Variants in FAM83G observed in about 807,000 individuals in gnomAD.
FAM83G encodes protein FAM83G.
Under a neutral mutation model 61.5 loss-of-function variants are expected in FAM83G, and 38 were observed. The ratio of observed to expected loss-of-function variants is 0.62; its 90% CI spans 0.48 to 0.81. The LOEUF is 0.81. Among genes scored for constraint, FAM83G ranks in the 30% least tolerant of loss-of-function variants. The pLI is 0.00. For synonymous variants in FAM83G, 470 were observed against 476.1 expected (o/e 0.99, Z 0.17); for missense variants, 989 against 1,133.6 (o/e 0.87, Z 1.83).
At chr17:18,979,408 G>T in intron 4 of FAM83G, 141 bp downstream of exon 4, 1 of 980,166 alleles carries the variant, frequency 1.0e-6, no homozygotes, top group Non-Finnish European at 1.5e-6. Flanking sequence ...AGACAGGCGG[G>T]CAGATGTGCT....
rs2074273 is a variant in FAM83G at position 18,969,208 on chromosome 17, A to G, written c.*2151T>C. ...CACCCAGGGGACGTGTAAAGGGGTC[A>G]GAAGGCCACCTCCCCCTACAGGCCC... On this transcript the variant is annotated 3_prime_UTR_variant, in exon 6 of 6. Coordinates refer to ENST00000388995, the MANE Select transcript of FAM83G (RefSeq NM_001039999.3). 0.072 allele frequency: 115,397 copies of G among 1,595,926 alleles called. 7,279 individuals are homozygous for G. The highest frequency in any genetic ancestry group is 0.29 in the South Asian group (25,967 of 88,948).
At chr17:18,984,280 T>C (rs2043210806) in intron 3 of FAM83G, among the ~76,000 whole-genome samples, 1 of 143,928 alleles carries the variant, frequency 6.9e-6, no homozygotes, top group Admixed American at 7.2e-5. Context: ...AGGCAGAGCT[T>C]GCAGTTCACG....
intron 4 of FAM83G, chr17:18,979,177 T>C: frequency 2.1e-6 from 1 of 480,538 alleles, no homozygotes; most frequent in Non-Finnish European, 3.8e-6. Context: ...CATGCGTCTA[T>C]GCTGCCACCA....
chr17:18,973,133 C>T (rs1220937531), intron 5 of FAM83G, among the ~76,000 whole-genome samples: 1 of 152,222 alleles, frequency 6.6e-6, no homozygotes, highest in African/African-American at 2.4e-5. Flanking sequence ...GAAAGGTTGG[C>T]CGTGGAGGGC....
intron 2 of FAM83G, among the ~76,000 whole-genome samples, chr17:18,998,723 G>C (rs539095514): frequency 9.2e-5 from 14 of 152,318 alleles, no homozygotes; most frequent in African/African-American, 3.4e-4. Context: ...GTTAACACCT[G>C]GGATTACTTT....
intron 2 of FAM83G, among the ~76,000 whole-genome samples, chr17:18,989,072 G>T (rs1199057979): frequency 2.0e-5 from 3 of 152,226 alleles, no homozygotes; most frequent in Non-Finnish European, 2.9e-5. Flanking sequence ...CCTGTCCCTT[G>T]GCAGCAAGGG....
Position 18,968,997 on chromosome 17 carries a change from G to T in FAM83G, c.*2362C>A. 6.5e-7 allele frequency: 1 copy of T among 1,549,004 alleles called. No homozygotes were observed. Among genetic ancestry groups the T allele is most frequent in the Non-Finnish European group, 8.7e-7 (1 of 1,144,584 alleles). On this transcript the variant is annotated 3_prime_UTR_variant, in exon 6 of 6. Coordinates refer to ENST00000388995, the MANE Select transcript of FAM83G (RefSeq NM_001039999.3). This position sits in a 1 kb window ranked among gnomAD's most constrained non-coding sequence, Gnocchi z 4.1. ...CCTTGCCCGAGGTCACCCAGGGAGT[G>T]GCTTGCTGGAGCCCTGGGAATAACA...
At chr17:18,973,766 C>T (rs1485476617) in intron 5 of FAM83G, among the ~76,000 whole-genome samples, 4 of 152,068 alleles carry the variant, frequency 2.6e-5, no homozygotes, top group African/African-American at 4.8e-5. Context: ...GGCACCATCT[C>T]GGCTCACTGC....
intron 2 of FAM83G, among the ~76,000 whole-genome samples, chr17:18,989,708 C>A (rs1163703614): frequency 6.6e-6 from 1 of 152,226 alleles, no homozygotes; most frequent in Non-Finnish European, 1.5e-5. Flanking sequence ...ACAGTCACCC[C>A]GCACGTTCCC....
chr17:18,977,555 A>T (rs781389324), intron 5 of FAM83G, 29 bp downstream of exon 5: 2 of 1,588,618 alleles, frequency 1.3e-6, no homozygotes, highest in Non-Finnish European at 1.7e-6. Flanking sequence ...GGGACTCGTG[A>T]CCCCTGGTGT....
chr17:18,978,872 C>G (rs751477984), intron 4 of FAM83G, 22 bp from the exon 5 acceptor site: 1 of 1,608,752 alleles, frequency 6.2e-7, no homozygotes, highest in Non-Finnish European at 8.5e-7. Context: ...GGAGGGGGCG[C>G]TGGTCAGGCA....
At chr17:18,999,694 C>G (rs141061975) in intron 2 of FAM83G, among the ~76,000 whole-genome samples, 1 of 152,190 alleles carries the variant, frequency 6.6e-6, no homozygotes, top group African/African-American at 2.4e-5. Context: ...TGTGTGAAGG[C>G]GGGGGCCTGA....
At chr17:18,995,660 C>A (rs2043548350) in intron 2 of FAM83G, among the ~76,000 whole-genome samples, 1 of 152,208 alleles carries the variant, frequency 6.6e-6, no homozygotes, top group Non-Finnish European at 1.5e-5. Context: ...ATAATCCCAG[C>A]ACTTTGGGAG....
At position 18,969,520 on chromosome 17, in the gene FAM83G, G is replaced by A; in HGVS notation, c.*1839C>T. 1.7e-6 allele frequency: 2 copies of A among 1,179,960 alleles called. No individual in the cohort carries two copies. The highest frequency in any genetic ancestry group is 2.5e-4 in the Middle Eastern group (1 of 4,008). 73.1% of individuals were successfully genotyped at this position (1,179,960 alleles called of 1,614,324 possible). ...ACTGTGCAGGATTCATGCCGTTGGG[G>A]TTCTGGGTAGCATCGCTGGGAGTGG... On this transcript the variant is annotated 3_prime_UTR_variant, in exon 6 of 6. Transcript: ENST00000388995.
intron 2 of FAM83G, 107 bp from the exon 3 acceptor site, chr17:18,988,521 C>A: frequency 6.6e-7 from 1 of 1,524,400 alleles, no homozygotes; most frequent in Non-Finnish European, 8.9e-7. Flanking sequence ...CTCACAGGTG[C>A]CCACTCTGGC....
chr17:18,983,277 G>A (rs1399704098), intron 3 of FAM83G, among the ~76,000 whole-genome samples: 1 of 152,242 alleles, frequency 6.6e-6, no homozygotes, highest in South Asian at 2.1e-4. Flanking sequence ...ACAACCCCGT[G>A]AGGCATCACT....
intron 2 of FAM83G, among the ~76,000 whole-genome samples, chr17:18,990,337 G>A (rs570741078): frequency 6.6e-6 from 1 of 152,284 alleles, no homozygotes; most frequent in African/African-American, 2.4e-5. Context: ...ACTGGGCAGG[G>A]GTGTGTGGTG....
chr17:18,971,592 T>G lies in FAM83G; in HGVS notation c.2239A>C (p.Lys747Gln), dbSNP rs767840164. 6.2e-7 allele frequency: 1 copy of G among 1,613,412 alleles called. No homozygotes were observed. The highest frequency in any genetic ancestry group is 1.3e-5 in the African/African-American group (1 of 74,928). Residue 747 changes from lysine to glutamine, a missense_variant, in exon 6 of 6, where the codon AAG becomes CAG. By Grantham distance (53) the Lys-to-Gln change is moderately conservative. Transcript: ENST00000388995. This position sits in a 1 kb window ranked among gnomAD's most constrained non-coding sequence, Gnocchi z 5.5. ...AMAGPHHWQA[K>Q]GGQVPRLLPD... ...AGCAGGCGGGGTACCTGACCTCCCT[T>G]GGCCTGCCAGTGGTGGGGGCCAGCC...
At chr17:18,992,139 C>A (rs1035819862) in intron 2 of FAM83G, among the ~76,000 whole-genome samples, 1 of 152,176 alleles carries the variant, frequency 6.6e-6, no homozygotes, top group Non-Finnish European at 1.5e-5. Context: ...TATGCACAAG[C>A]CCTCCAGCGC....
Sources: allele counts gnomAD v4.1 joint callset (sites outside exome capture counted in the v4.1 genomes callset), GRCh38; gene constraint gnomAD v4.1.1; non-coding constraint Gnocchi (gnomAD v3.1); transcripts MANE v1.5; gene names NCBI Gene and HGNC (gene_info 2026-07-23, HGNC 2026-07-21).